CC2D1A: variants seen among roughly 807,000 people sequenced by gnomAD.
The protein encoded by CC2D1A is coiled-coil and C2 domain-containing protein 1A.
In CC2D1A, 68 loss-of-function variants were observed where a neutral mutation model predicts 123.8. That is an observed-to-expected ratio of 0.55 (90% confidence interval 0.45 to 0.67). The LOEUF is 0.67. CC2D1A is among the 30% of genes least tolerant of loss of function. CC2D1A has a pLI of 0.00. For missense variants in CC2D1A, 1,185 were observed against 1,290.3 expected, an observed-to-expected ratio of 0.92 and a Z score of 1.25; for synonymous variants, 477 against 528.0, an observed-to-expected ratio of 0.90 and a Z score of 1.32.
chr19:13,907,324 T>C (rs1599372880), intron 1 of CC2D1A, among the ~76,000 whole-genome samples: 2 of 151,690 alleles, frequency 1.3e-5, no homozygotes, highest in African/African-American at 4.8e-5. Flanking sequence ...GAAGGGAGGA[T>C]TGCTTGAGCC....
At chr19:13,927,112 T>C in intron 21 of CC2D1A, 35 bp downstream of exon 21, 1 of 1,611,032 alleles carries the variant, frequency 6.2e-7, no homozygotes, top group Non-Finnish European at 8.5e-7. Context: ...CTGGGTGGGC[T>C]CCAGGGGAGG....
intron 17 of CC2D1A, among the ~76,000 whole-genome samples, chr19:13,926,015 C>CGTATATATATGT (rs1311087600): frequency 1.2e-5 from 1 of 83,978 alleles, no homozygotes; most frequent in African/African-American, 6.5e-5. Flanking sequence ...TATATATATA[C>CGTATATATATGT]GTATATATAT....
At chr19:13,913,984 C>T (rs749560218) in intron 6 of CC2D1A, among the ~76,000 whole-genome samples, 3 of 151,916 alleles carry the variant, frequency 2.0e-5, no homozygotes, top group Non-Finnish European at 2.9e-5. Flanking sequence ...CAAGTTCAAG[C>T]GATTCTCCTG....
At chr19:13,921,450 G>A (rs1971407854) in intron 14 of CC2D1A, among the ~76,000 whole-genome samples, 1 of 152,140 alleles carries the variant, frequency 6.6e-6, no homozygotes, top group Non-Finnish European at 1.5e-5. Flanking sequence ...CTTAGGACAG[G>A]ACCATTCCTT....
In CC2D1A at chr19:13,927,266, G is replaced by T; in HGVS notation, c.2316+1G>T. 6.2e-7 allele frequency: 1 copy of T among 1,612,460 alleles called. No individual in the cohort carries two copies. Among genetic ancestry groups the T allele is most frequent in the Non-Finnish European group, 8.5e-7 (1 of 1,178,538 alleles). ...ATGTGAGGTCCGGGAGATCCTTGAG[G>T]TGAGAGGTGGACATTCATCCGCGTG... On this transcript the variant is annotated splice_donor_variant, in intron 22 of 28. Transcript: ENST00000318003. LOFTEE classifies it high-confidence loss of function.
intron 2 of CC2D1A, 117 bp downstream of exon 2, chr19:13,910,075 T>G (rs1599378064): frequency 9.9e-7 from 1 of 1,006,152 alleles, no homozygotes; most frequent in East Asian, 2.9e-5. Flanking sequence ...CCTGTTCTCC[T>G]GGAGCCAATG....
rs763194296 is a variant in CC2D1A at position 13,912,332 on chromosome 19, C to T, written c.206C>T (p.Pro69Leu). The T allele has an allele frequency of 9.4e-6, 15 of 1,603,458 alleles. No homozygotes were observed. Among genetic ancestry groups the T allele is most frequent in the Admixed American group, 6.9e-5 (4 of 58,090 alleles). The change falls in exon 3 of 29, where the codon CCG (proline) becomes CTG (leucine). Residue 69 changes from proline (P) to leucine (L), a missense_variant. Coordinates refer to ENST00000318003, the MANE Select transcript of CC2D1A (RefSeq NM_017721.5). Reference sequence around the variant, plus strand: ...ATCCCCCTACCGCCAGGTCCCTTGCCGATGGAGGCCATTGAGAAGATGGCC... The same window carrying T: ...ATCCCCCTACCGCCAGGTCCCTTGCTGATGGAGGCCATTGAGAAGATGGCC... ...LEKLKGKGPL[P>L]MEAIEKMASL...
chr19:13,909,236 C>T (rs952171511), intron 1 of CC2D1A, among the ~76,000 whole-genome samples: 9 of 151,912 alleles, frequency 5.9e-5, no homozygotes, highest in Non-Finnish European at 7.4e-5. Context: ...ATTAGCCGGG[C>T]GTGGTGGCGG....
chr19:13,923,309 C>T lies in CC2D1A; in HGVS notation c.1642-24C>T, dbSNP rs372837238. 8.8e-6 allele frequency: 14 copies of T among 1,591,988 alleles called. No homozygotes were observed. Among genetic ancestry groups the T allele is most frequent in the Admixed American group, 5.1e-5 (3 of 58,834 alleles). On this transcript the variant is annotated intron_variant, in intron 14 of 28. Coordinates refer to ENST00000318003, the MANE Select transcript of CC2D1A (RefSeq NM_017721.5). This position sits in a 1 kb window ranked among gnomAD's most constrained non-coding sequence, Gnocchi z 5.3. ...TGGGCCTGCTTGTCCTCCTTACCCC[C>T]GCCACCAGCCTCGTCCTCCCCAGGT...
At chr19:13,919,279 GCA>G in intron 11 of CC2D1A, 77 bp downstream of exon 11, 3 of 1,173,534 alleles carry the variant, frequency 2.6e-6, no homozygotes, top group Non-Finnish European at 3.6e-6. Context: ...CCCGCCGCTG[GCA>G]GGCTGTGCCC....
chr19:13,929,341 G>C (rs761297253), intron 24 of CC2D1A, 38 bp from the exon 25 acceptor site: 43 of 1,604,296 alleles, frequency 2.7e-5, no homozygotes, highest in Middle Eastern at 1.7e-4. Context: ...TGGGCTGGGG[G>C]AATCTCTGCA....
rs748029345 is a variant in CC2D1A, at chr19:13,919,126, G to T, written c.1150-4G>T. 9.3e-6 allele frequency: 15 copies of T among 1,611,692 alleles called. No homozygotes were observed. Among genetic ancestry groups the T allele is most frequent in the South Asian group, 2.2e-5 (2 of 90,986 alleles). On this transcript the variant is annotated splice_polypyrimidine_tract_variant and splice_region_variant and intron_variant, in intron 10 of 28. Transcript: ENST00000318003. ...GGCAGCCCTAACACCTGTGGCCCTC[G>T]CAGCAATACCAAGATGCCATCCGAG...
rs369545962 is a variant in CC2D1A at position 13,926,651 on chromosome 19, C to A, written c.2015-16C>A. On this transcript the variant is annotated splice_polypyrimidine_tract_variant and intron_variant, in intron 18 of 28. Transcript: ENST00000318003. ...GACCCCCTCTCTGCCCAGCTCTGACCGTTGTTTGCCCACAGGACTGTCCCC... is the reference window on the plus strand; with the variant it reads ...GACCCCCTCTCTGCCCAGCTCTGACAGTTGTTTGCCCACAGGACTGTCCCC... 3.1e-6 allele frequency: 5 copies of A among 1,614,034 alleles called. No individual in the cohort carries two copies. Among genetic ancestry groups the A allele is most frequent in the Admixed American group, 1.7e-5 (1 of 60,000 alleles).
At position 13,919,352 on chromosome 19, in the gene CC2D1A, G is replaced by T. The variant is rs7257637; in HGVS notation, c.1222+150G>T. On this transcript the variant is annotated intron_variant, in intron 11 of 28. Coordinates refer to ENST00000318003, the MANE Select transcript of CC2D1A (RefSeq NM_017721.5). ...GATGCTATTACTCCCCATAGCACAG[G>T]CTCAGGGAGCTGAATACAACATATT... 11,931 of 626,102 alleles carry T rather than the reference G, an allele frequency of 0.019. 1,101 individuals carry two copies. In the African/African-American group the frequency reaches 0.19, roughly 10 times the overall value. The allele number at this position is 626,102 out of a possible 1,614,324, so 38.8% of individuals were successfully genotyped here. A position where few individuals can be genotyped will look rare whatever the true frequency, so the allele number is the denominator to read the frequency against.
chr19:13,926,036 A>ATATATATACACGTATATATATG (rs1183028851), intron 17 of CC2D1A, among the ~76,000 whole-genome samples: 1 of 90,854 alleles, frequency 1.1e-5, no homozygotes, highest in East Asian at 2.5e-4. Flanking sequence ...GTGTATATAT[A>ATATATATACACGTATATATATG]TATATATACA....
chr19:13,909,357 C>G (rs1000456755), intron 1 of CC2D1A, among the ~76,000 whole-genome samples: 2 of 151,314 alleles, frequency 1.3e-5, no homozygotes, highest in African/African-American at 4.9e-5. Context: ...GCCTGGGTGA[C>G]AGAGCGAGAC....
In CC2D1A at chr19:13,914,336, A is replaced by AT. The variant is rs965698969; in HGVS notation, c.748+714dup. Among the ~76,000 whole-genome samples, 820 of 135,252 alleles carry AT rather than the reference A, an allele frequency of 6.1e-3. 6 individuals carry two copies. Among genetic ancestry groups the AT allele is most frequent in the African/African-American group, 0.015 (546 of 36,732 alleles). The allele number at this position is 135,252 out of a possible 152,430, so 88.7% of individuals were successfully genotyped here. A position where few individuals can be genotyped will look rare whatever the true frequency, so the allele number is the denominator to read the frequency against. On this transcript the variant is annotated intron_variant, in intron 6 of 28. Coordinates refer to ENST00000318003, the MANE Select transcript of CC2D1A (RefSeq NM_017721.5). ...CAGGCATGCACCACACACTTGGCTAATTTTTTTTTTTTTTTTGAGTCGGAG... is the reference window on the plus strand; with the variant it reads ...CAGGCATGCACCACACACTTGGCTAATTTTTTTTTTTTTTTTTGAGTCGGAG...
chr19:13,912,364 T>A lies in CC2D1A; in HGVS notation c.238T>A (p.Cys80Ser), dbSNP rs1158293571. The change falls in exon 3 of 29, where the codon TGC becomes AGC. Residue 80 changes from cysteine (C) to serine (S), a missense_variant. Transcript: ENST00000318003. ...GGCCATTGAGAAGATGGCCAGCCTG[T>A]GCATGAGAGACCCGGATGAGGATGA... ...MEAIEKMASL[C>S]MRDPDEDEEE... 12 of 1,612,730 alleles carry A rather than the reference T, an allele frequency of 7.4e-6. No individual in the cohort carries two copies. Among genetic ancestry groups the A allele is most frequent in the Non-Finnish European group, 1.0e-5 (12 of 1,179,570 alleles).
intron 2 of CC2D1A, among the ~76,000 whole-genome samples, chr19:13,911,383 T>C (rs894931031): frequency 2.6e-5 from 4 of 152,206 alleles, no homozygotes; most frequent in African/African-American, 9.6e-5. Flanking sequence ...AAGAGCTTCA[T>C]TGACCTTCTC....
Sources: gnomAD v4.1 joint callset for allele counts (sites outside exome capture counted in the v4.1 genomes callset) on GRCh38, gnomAD v4.1.1 for gene constraint, Gnocchi (gnomAD v3.1) non-coding constraint, MANE v1.5 for transcripts, NCBI Gene and HGNC (gene_info 2026-07-23, HGNC 2026-07-21) for gene names.